The following R3HDM1 variants were observed in gnomAD, a reference collection of about 807,000 sequenced individuals.
R3HDM1 encodes the protein R3H domain containing 1, also known as R3H domain-containing protein 1.
Under a neutral mutation model 141.1 loss-of-function variants are expected in R3HDM1, and 46 were observed. That is an observed-to-expected ratio of 0.33 (90% CI 0.26 to 0.42). The LOEUF (loss-of-function observed/expected upper bound fraction) is 0.42, where lower values mean the gene tolerates loss of function less well. R3HDM1 is among the 10% of genes least tolerant of loss of function. The pLI, the probability that R3HDM1 is intolerant of heterozygous loss-of-function variation, is 1.00. For synonymous variants in R3HDM1, 435 were observed against 472.9 expected, an observed-to-expected ratio of 0.92 and a Z score of 1.04; for missense variants, 1,184 against 1,368.3, an observed-to-expected ratio of 0.87 and a Z score of 2.12.
chr2:135,532,945 T>G (rs1695245077), intron 1 of R3HDM1, among the ~76,000 whole-genome samples: 1 of 152,250 alleles, frequency 6.6e-6, no homozygotes, highest in African/African-American at 2.4e-5. Context: ...TGATCAGAGA[T>G]AAAATTCTAG....
chr2:135,701,702 C>T (rs2074230085), intron 21 of R3HDM1, among the ~76,000 whole-genome samples: 1 of 152,170 alleles, frequency 6.6e-6, no homozygotes, highest in African/African-American at 2.4e-5. Context: ...GGATGATTCA[C>T]ATCTTGGGCA....
intron 19 of R3HDM1, chr2:135,669,581 C>T (rs1333355691): frequency 2.0e-6 from 2 of 984,954 alleles, no homozygotes; most frequent in Non-Finnish European, 1.2e-6. Context: ...TACTGTAATA[C>T]TTTTTCTTCT....
chr2:135,533,093 T>A (rs10194951), intron 1 of R3HDM1, among the ~76,000 whole-genome samples: 39,919 of 152,020 alleles, frequency 0.26, 9,409 homozygotes, highest in African/African-American at 0.62. Flanking sequence ...GTACACCTAG[T>A]TACAGAATTG....
chr2:135,562,594 C>T (rs1416375580), intron 1 of R3HDM1, among the ~76,000 whole-genome samples: 1 of 152,140 alleles, frequency 6.6e-6, no homozygotes, highest in African/African-American at 2.4e-5. Flanking sequence ...AATATCTAGA[C>T]TTGAAAAATC....
chr2:135,533,839 C>A, intron 1 of R3HDM1: 1 of 279,496 alleles, frequency 3.6e-6, no homozygotes. Flanking sequence ...GGCCATTGAA[C>A]TCCAGTCTGG....
chr2:135,699,433 G>C (rs1449983572), intron 21 of R3HDM1, among the ~76,000 whole-genome samples: 1 of 152,142 alleles, frequency 6.6e-6, no homozygotes, highest in Non-Finnish European at 1.5e-5. Flanking sequence ...GGGAGGGTGA[G>C]AGCCACCACA....
chr2:135,694,794 G>C (rs1575074027), intron 21 of R3HDM1, among the ~76,000 whole-genome samples: 2 of 152,268 alleles, frequency 1.3e-5, no homozygotes, highest in Admixed American at 6.5e-5. Context: ...GGACCTCCTT[G>C]AGTCTTAGTT....
At chr2:135,591,420 C>T (rs186026468) in intron 1 of R3HDM1, among the ~76,000 whole-genome samples, 7 of 152,170 alleles carry the variant, frequency 4.6e-5, no homozygotes, top group African/African-American at 1.4e-4. Flanking sequence ...AGCTAAAATA[C>T]GATAAGACTG....
intron 1 of R3HDM1, among the ~76,000 whole-genome samples, chr2:135,558,715 G>C (rs1025681319): frequency 1.3e-5 from 2 of 152,158 alleles, no homozygotes; most frequent in Non-Finnish European, 2.9e-5. Flanking sequence ...TATTATTATG[G>C]ACTGAGTACA....
chr2:135,686,924 C>T (rs909223157), intron 21 of R3HDM1, among the ~76,000 whole-genome samples: 4 of 152,112 alleles, frequency 2.6e-5, no homozygotes, highest in Non-Finnish European at 5.9e-5. Flanking sequence ...CTTGGCTGGG[C>T]GCAGTGGCTC....
intron 19 of R3HDM1, among the ~76,000 whole-genome samples, chr2:135,663,607 G>C (rs1197887446): frequency 6.6e-6 from 1 of 152,222 alleles, no homozygotes; most frequent in East Asian, 1.9e-4. Flanking sequence ...AGCAGGGCCA[G>C]TGCCAACTGT....
Position 135,545,977 on chromosome 2 carries a change from A to G in R3HDM1, c.-250+14344A>G, listed in dbSNP as rs961229023. ...AATCACCTGGGCAGCTTTTCCTAAA[A>G]TTGTGTGCTTTTCCTTGTCTGTCTT... On this transcript the variant is annotated intron_variant, in intron 1 of 26. Coordinates refer to ENST00000683871, the MANE Select transcript of R3HDM1 (RefSeq NM_001378107.1). Among the ~76,000 whole-genome samples, 9 of 152,304 alleles carry G rather than the reference A, an allele frequency of 5.9e-5. No homozygotes were observed. The South Asian group carries it at 1.9e-3, about 32-fold the overall frequency.
intron 1 of R3HDM1, among the ~76,000 whole-genome samples, chr2:135,532,427 A>G (rs1313373695): frequency 1.3e-5 from 2 of 152,106 alleles, no homozygotes; most frequent in East Asian, 3.9e-4. Flanking sequence ...TTGTTTTTAT[A>G]AAGAAACTTA....
Position 135,638,921 on chromosome 2 carries a change from T to C in R3HDM1, c.1018T>C (p.Ser340Pro). Residue 340 changes from serine (S) to proline (P), a missense_variant, in exon 14 of 27, where the codon TCT (serine) becomes CCT (proline). This residue lies in a region of R3HDM1 where 240 missense variants were observed against 312.3 expected (regional missense o/e 0.77). Transcript: ENST00000683871. Reference sequence around the variant, plus strand: ...AGTTAATAAAGATGCTTCAGGGAGATCTACAAATAGCCATCAAAGCAGCAC... The same window carrying C: ...AGTTAATAAAGATGCTTCAGGGAGACCTACAAATAGCCATCAAAGCAGCAC... ...FRVNKDASGR[S>P]TNSHQSSTEN... 1.9e-6 allele frequency: 3 copies of C among 1,614,060 alleles called. No homozygotes were observed. The highest frequency in any genetic ancestry group is 2.5e-6 in the Non-Finnish European group (3 of 1,180,002).
chr2:135,584,047 G>T (rs565550750), intron 1 of R3HDM1: 1 of 985,366 alleles, frequency 1.0e-6, no homozygotes, highest in African/African-American at 1.7e-5. Flanking sequence ...TCAAATTTCA[G>T]CTGGGCATGG....
chr2:135,650,167 T>C, intron 17 of R3HDM1, 164 bp downstream of exon 17: 1 of 971,506 alleles, frequency 1.0e-6, no homozygotes, highest in Non-Finnish European at 1.2e-6. Flanking sequence ...AATAATTTAT[T>C]CCATAAAATA....
intron 9 of R3HDM1, among the ~76,000 whole-genome samples, chr2:135,634,920 G>C (rs1480988082): frequency 3.9e-5 from 6 of 152,138 alleles, no homozygotes; most frequent in African/African-American, 1.4e-4. Flanking sequence ...TGTTGAAGCT[G>C]AGAATGTATT....
At chr2:135,568,302 C>T (rs182530656) in intron 1 of R3HDM1, among the ~76,000 whole-genome samples, 24 of 152,234 alleles carry the variant, frequency 1.6e-4, no homozygotes, top group African/African-American at 5.8e-4. Flanking sequence ...CCCACCTTGG[C>T]CTCCCAAAGT....
intron 19 of R3HDM1, chr2:135,669,737 A>AC: frequency 4.4e-6 from 1 of 229,140 alleles, no homozygotes; most frequent in Non-Finnish European, 7.2e-6. Context: ...AGGGATAATA[A>AC]TTGTATCTAT....
Sources: allele counts gnomAD v4.1 joint callset (sites outside exome capture counted in the v4.1 genomes callset), GRCh38; gene constraint gnomAD v4.1.1; regional missense constraint gnomAD v4.1.1; transcripts MANE v1.5; gene names NCBI Gene and HGNC (gene_info 2026-07-23, HGNC 2026-07-21).